Variants in EPHB1 observed in about 807,000 individuals in gnomAD.
EPHB1 encodes the protein EPH receptor B1.
EPHB1 carries 30 observed loss-of-function variants against 94.4 expected under a neutral mutation model. The observed-to-expected ratio is 0.32, with a 90% confidence interval of 0.24 to 0.43. EPHB1 has a LOEUF of 0.43. Ranked by LOEUF, EPHB1 falls within the 20% of genes least tolerant of loss-of-function variation. The pLI is 1.00. For synonymous variants in EPHB1, 522 were observed against 489.1 expected, an observed-to-expected ratio of 1.07 and a Z score of -0.89; for missense variants, 1,055 against 1,308.3, an observed-to-expected ratio of 0.81 and a Z score of 2.99.
At chr3:135,003,688 G>A (rs983373922) in intron 3 of EPHB1, among the ~76,000 whole-genome samples, 2 of 152,154 alleles carry the variant, frequency 1.3e-5, no homozygotes, top group Non-Finnish European at 2.9e-5. Flanking sequence ...TCTTCTTGCT[G>A]AATTGATCCC....
intron 3 of EPHB1, among the ~76,000 whole-genome samples, chr3:135,015,955 T>C (rs1415128750): frequency 1.3e-5 from 2 of 152,142 alleles, no homozygotes; most frequent in Non-Finnish European, 2.9e-5. Context: ...GATAGGACCA[T>C]GGGCTGGAAG....
chr3:134,980,085 C>T (rs1269126969), intron 3 of EPHB1, among the ~76,000 whole-genome samples: 1 of 152,194 alleles, frequency 6.6e-6, no homozygotes, highest in Non-Finnish European at 1.5e-5. Context: ...GTTATTTCTG[C>T]TTCATTATAT....
chr3:135,135,995 G>T (rs548318591), intron 5 of EPHB1, among the ~76,000 whole-genome samples: 11 of 152,330 alleles, frequency 7.2e-5, no homozygotes, highest in Admixed American at 2.0e-4. Flanking sequence ...ATGACTTGGG[G>T]ATTATTGTTC....
At chr3:134,890,623 A>G (rs989352360) in intron 1 of EPHB1, among the ~76,000 whole-genome samples, 1 of 152,202 alleles carries the variant, frequency 6.6e-6, no homozygotes, top group African/African-American at 2.4e-5. Flanking sequence ...GAGTAAGTGC[A>G]CTTGTTTGTT....
chr3:134,839,374 T>C (rs2036736317), intron 1 of EPHB1, among the ~76,000 whole-genome samples: 1 of 152,222 alleles, frequency 6.6e-6, no homozygotes, highest in Non-Finnish European at 1.5e-5. Context: ...TTAGAGTCTG[T>C]TCCTTTGTTC....
intron 12 of EPHB1, among the ~76,000 whole-genome samples, chr3:135,229,394 T>A (rs928173381): frequency 6.6e-6 from 1 of 152,296 alleles, no homozygotes; most frequent in South Asian, 2.1e-4. Flanking sequence ...GAGGCCAGAA[T>A]TGCTTAAGCT....
At chr3:135,047,402 GC>G (rs1226832192) in intron 3 of EPHB1, among the ~76,000 whole-genome samples, 1 of 152,190 alleles carries the variant, frequency 6.6e-6, no homozygotes, top group African/African-American at 2.4e-5. Context: ...CTCCAGCCTG[GC>G]TTCTCAGAGG....
intron 3 of EPHB1, among the ~76,000 whole-genome samples, chr3:135,030,922 G>A (rs979586366): frequency 6.6e-6 from 1 of 152,198 alleles, no homozygotes; most frequent in East Asian, 1.9e-4. Flanking sequence ...ATGTAATCTC[G>A]TGGTGCGCCA....
At chr3:134,878,433 A>C (rs929209440) in intron 1 of EPHB1, among the ~76,000 whole-genome samples, 2 of 152,186 alleles carry the variant, frequency 1.3e-5, no homozygotes, top group African/African-American at 4.8e-5. Flanking sequence ...CTGACTATTG[A>C]TAGAGGAGAC....
At chr3:134,857,400 C>T in intron 1 of EPHB1, among the ~76,000 whole-genome samples, 1 of 152,140 alleles carries the variant, frequency 6.6e-6, no homozygotes, top group East Asian at 1.9e-4. Flanking sequence ...ACTTTCGATA[C>T]AGGCAGTCTG....
intron 3 of EPHB1, among the ~76,000 whole-genome samples, chr3:134,955,105 A>ATTTTTTTTTTTTTTTTTT (rs1174011769): frequency 1.3e-3 from 32 of 24,128 alleles, no homozygotes; most frequent in East Asian, 1.6e-3. Flanking sequence ...TTTTTTTTTA[A>ATTTTTTTTTTTTTTTTTT]TTTTTTTTTT....
intron 15 of EPHB1, among the ~76,000 whole-genome samples, chr3:135,257,144 T>C (rs926180928): frequency 3.3e-5 from 5 of 151,536 alleles, no homozygotes; most frequent in Admixed American, 6.6e-5. Context: ...GGTTTCAACT[T>C]CTTTGCCTTT....
Position 135,259,126 on chromosome 3 carries a change from CTT to C in EPHB1, c.*7_*8del, listed in dbSNP as rs1242642369. 2 of 1,599,512 alleles carry C rather than the reference CTT, an allele frequency of 1.3e-6. No individual in the cohort carries two copies. The highest frequency in any genetic ancestry group is 1.7e-6 in the Non-Finnish European group (2 of 1,172,072). ...CACCAACGGCAATGGCATGAGAACT[CTT>C]GTTTCTTGGGGAAGGAGAGGAGGGA... On this transcript the variant is annotated 3_prime_UTR_variant, in exon 16 of 16. Transcript: ENST00000398015.
At chr3:135,233,566 TTCTAGGG>T (rs1943582612) in intron 12 of EPHB1, among the ~76,000 whole-genome samples, 1 of 152,276 alleles carries the variant, frequency 6.6e-6, no homozygotes, top group Middle Eastern at 3.4e-3. Context: ...GGATCTACCA[TTCTAGGG>T]TCTGGAGGAT....
chr3:135,143,763 G>C (rs1028734930), intron 5 of EPHB1, among the ~76,000 whole-genome samples: 3 of 152,280 alleles, frequency 2.0e-5, no homozygotes, highest in Middle Eastern at 3.4e-3. Context: ...AGAGTATCCT[G>C]CTCCACAGAC....
chr3:135,184,117 T>C (rs927059478), intron 10 of EPHB1, among the ~76,000 whole-genome samples: 68 of 152,258 alleles, frequency 4.5e-4, no homozygotes, highest in African/African-American at 1.3e-3. Context: ...TATACCCAAA[T>C]GAATGTGATG....
chr3:135,100,443 T>G (rs2107796220), intron 3 of EPHB1, among the ~76,000 whole-genome samples: 1 of 152,286 alleles, frequency 6.6e-6, no homozygotes, highest in South Asian at 2.1e-4. Flanking sequence ...CAATAAAGAT[T>G]AGATGGTCCA....
intron 12 of EPHB1, among the ~76,000 whole-genome samples, chr3:135,206,131 C>CT (rs1316234811): frequency 6.6e-6 from 1 of 152,146 alleles, no homozygotes; most frequent in South Asian, 2.1e-4. Flanking sequence ...ACAGCATGTG[C>CT]TTTTTTGCAT....
chr3:135,004,010 G>A (rs1178411989), intron 3 of EPHB1, among the ~76,000 whole-genome samples: 1 of 150,988 alleles, frequency 6.6e-6, no homozygotes, highest in Non-Finnish European at 1.5e-5. Flanking sequence ...TATGATGTTA[G>A]CTGGTTATTT....
Sources: gnomAD v4.1 joint callset for allele counts (sites outside exome capture counted in the v4.1 genomes callset) on GRCh38, gnomAD v4.1.1 for gene constraint, MANE v1.5 for transcripts, NCBI Gene and HGNC (gene_info 2026-07-23, HGNC 2026-07-21) for gene names.